Variants in SOX6 observed in about 807,000 individuals in gnomAD.
The protein encoded by SOX6 is transcription factor SOX-6.
SOX6 carries 11 observed loss-of-function variants against 97.8 expected under a neutral mutation model. That is an observed-to-expected ratio of 0.11 (90% CI 0.07 to 0.19). SOX6 has a LOEUF of 0.19. Among genes scored for constraint, SOX6 ranks in the 10% least tolerant of loss-of-function variants. SOX6 has a pLI of 1.00. For missense variants in SOX6, 810 were observed against 1,039.5 expected (o/e 0.78, Z 3.04); for synonymous variants, 360 against 371.4 (o/e 0.97, Z 0.35).
At chr11:16,302,529 T>C (rs1855288486) in intron 3 of SOX6, among the ~76,000 whole-genome samples, 1 of 151,374 alleles carries the variant, frequency 6.6e-6, no homozygotes. Flanking sequence ...TATGGTTTCC[T>C]CTTCTATACT....
intron 1 of SOX6, among the ~76,000 whole-genome samples, chr11:16,461,441 G>A (rs1255317560): frequency 6.6e-6 from 1 of 152,054 alleles, no homozygotes; most frequent in South Asian, 2.1e-4. Flanking sequence ...GAATGCCTTA[G>A]CTTAGCCTTA....
chr11:16,453,061 T>C (rs966291199), intron 1 of SOX6, among the ~76,000 whole-genome samples: 3 of 152,208 alleles, frequency 2.0e-5, no homozygotes, highest in Non-Finnish European at 4.4e-5. Flanking sequence ...GGACAGGTGA[T>C]GACATCCTAT....
intron 9 of SOX6, among the ~76,000 whole-genome samples, chr11:16,091,015 G>A (rs1848674196): frequency 6.6e-6 from 1 of 152,026 alleles, no homozygotes; most frequent in Non-Finnish European, 1.5e-5. Context: ...GCAAATGGAG[G>A]TATTTTGTAA....
intron 3 of SOX6, among the ~76,000 whole-genome samples, chr11:16,279,063 C>T (rs955241034): frequency 6.6e-6 from 1 of 152,076 alleles, no homozygotes; most frequent in Non-Finnish European, 1.5e-5. Flanking sequence ...TACAACGAAA[C>T]TGCAGGACTC....
At chr11:16,074,791 G>A (rs1010898457) in intron 9 of SOX6, among the ~76,000 whole-genome samples, 1 of 152,086 alleles carries the variant, frequency 6.6e-6, no homozygotes, top group African/African-American at 2.4e-5. Context: ...TGGCCATACT[G>A]CCAAAAGCAA....
At chr11:16,391,910 T>C (rs2134427107) in intron 1 of SOX6, among the ~76,000 whole-genome samples, 1 of 151,840 alleles carries the variant, frequency 6.6e-6, no homozygotes, top group African/African-American at 2.4e-5. Context: ...GGTTTTGCCA[T>C]CCTCAATATT....
At chr11:16,497,750 G>T (rs1039971972) in intron 4 of SOX6, among the ~76,000 whole-genome samples, 3 of 152,146 alleles carry the variant, frequency 2.0e-5, no homozygotes, top group African/African-American at 7.2e-5. Flanking sequence ...AATGAAGCGA[G>T]AAGAGAAGTT....
At chr11:16,205,256 A>AT (rs1000266049) in intron 4 of SOX6, among the ~76,000 whole-genome samples, 5 of 152,202 alleles carry the variant, frequency 3.3e-5, no homozygotes, top group Non-Finnish European at 5.9e-5. Context: ...TTTAAATGAT[A>AT]TTTTTTTCAG....
intron 4 of SOX6, among the ~76,000 whole-genome samples, chr11:16,545,618 G>A (rs970814090): frequency 1.3e-5 from 2 of 152,078 alleles, no homozygotes; most frequent in East Asian, 1.9e-4. Context: ...AGAACAATTA[G>A]TCAAGAGAAA....
intron 1 of SOX6, among the ~76,000 whole-genome samples, chr11:16,365,795 A>G (rs1292614549): frequency 3.3e-5 from 5 of 152,106 alleles, no homozygotes; most frequent in Non-Finnish European, 7.4e-5. Flanking sequence ...GATGTTCATG[A>G]TTTTTTATGC....
chr11:16,306,689 G>A (rs181423322), intron 3 of SOX6, among the ~76,000 whole-genome samples: 192 of 141,508 alleles, frequency 1.4e-3, no homozygotes, highest in Middle Eastern at 3.9e-3. Context: ...GCAGTGGCAC[G>A]ATCTTGGTTC....
At chr11:16,328,295 C>T (rs559762007) in intron 2 of SOX6, among the ~76,000 whole-genome samples, 1 of 152,210 alleles carries the variant, frequency 6.6e-6, no homozygotes, top group South Asian at 2.1e-4. Context: ...AGTAATAAAC[C>T]CAATGTGTTC....
chr11:16,132,282 GGAA>G (rs1564971776), intron 6 of SOX6, among the ~76,000 whole-genome samples: 16 of 45,468 alleles, frequency 3.5e-4, no homozygotes, highest in Middle Eastern at 0.013. Flanking sequence ...AAGGAAGGAA[GGAA>G]GGAAGGAAGG....
rs1169377945 is a variant in SOX6, at chr11:15,971,472, T to A, written c.*1337A>T. On this transcript the variant is annotated 3_prime_UTR_variant, in exon 16 of 16. Coordinates refer to ENST00000683767, the MANE Select transcript of SOX6 (RefSeq NM_001367873.1). ...ACCACTGTTGAACCTTGCTGCTGAATGGAATTCAGGGGGAAATGCCACTGA... is the reference window on the plus strand; with the variant it reads ...ACCACTGTTGAACCTTGCTGCTGAAAGGAATTCAGGGGGAAATGCCACTGA... The A allele has an allele frequency of 6.6e-6, 1 of 152,610 alleles. No individual in the cohort carries two copies. The highest frequency in any genetic ancestry group is 1.5e-5 in the Non-Finnish European group (1 of 68,052). 9.5% of individuals were successfully genotyped at this position (152,610 alleles called of 1,614,324 possible). A position where few individuals can be genotyped will look rare whatever the true frequency, so the allele number is the denominator to read the frequency against.
chr11:16,169,473 T>G (rs1009454675), intron 6 of SOX6, among the ~76,000 whole-genome samples: 2 of 152,080 alleles, frequency 1.3e-5, no homozygotes, highest in Non-Finnish European at 2.9e-5. Flanking sequence ...ATAATACAAG[T>G]TGAAAGGGAA....
intron 1 of SOX6, among the ~76,000 whole-genome samples, chr11:16,446,357 GGAGA>G (rs1277268702): frequency 6.6e-6 from 1 of 152,012 alleles, no homozygotes; most frequent in African/African-American, 2.4e-5. Context: ...GGCAGGGTTT[GGAGA>G]GAGGGAAAAA....
intron 12 of SOX6, among the ~76,000 whole-genome samples, chr11:16,045,026 C>A (rs1023719068): frequency 6.6e-6 from 1 of 151,962 alleles, no homozygotes; most frequent in Non-Finnish European, 1.5e-5. Flanking sequence ...ATCTCTCATC[C>A]CTCTCCCGTG....
At chr11:16,099,086 C>T (rs1848873848) in intron 7 of SOX6, among the ~76,000 whole-genome samples, 1 of 151,728 alleles carries the variant, frequency 6.6e-6, no homozygotes, top group Non-Finnish European at 1.5e-5. Context: ...GTACACAGTC[C>T]AGTAACAATT....
At chr11:16,138,177 C>A (rs976061074) in intron 6 of SOX6, among the ~76,000 whole-genome samples, 1 of 152,162 alleles carries the variant, frequency 6.6e-6, no homozygotes, top group African/African-American at 2.4e-5. Flanking sequence ...AATAAAGAAG[C>A]TTAATGAATT....
Sources: gnomAD v4.1 joint callset for allele counts (sites outside exome capture counted in the v4.1 genomes callset) on GRCh38, gnomAD v4.1.1 for gene constraint, MANE v1.5 for transcripts, NCBI Gene and HGNC (gene_info 2026-07-23, HGNC 2026-07-21) for gene names.